The following KIF1A variants were observed in gnomAD, a reference collection of about 807,000 sequenced individuals.
KIF1A encodes kinesin-like protein KIF1A.
Under a neutral mutation model 227.3 loss-of-function variants are expected in KIF1A, and 46 were observed. That is an observed-to-expected ratio of 0.20 (90% confidence interval 0.16 to 0.26). KIF1A has a LOEUF of 0.26. Ranked by LOEUF, KIF1A falls within the 10% of genes least tolerant of loss-of-function variation. KIF1A has a pLI of 1.00. For synonymous variants in KIF1A, 1,022 were observed against 1,012.8 expected (o/e 1.01, Z -0.17); for missense variants, 1,683 against 2,485.9 (o/e 0.68, Z 6.87).
At chr2:240,808,464 G>T (rs1402458318) in intron 1 of KIF1A, among the ~76,000 whole-genome samples, 1 of 151,368 alleles carries the variant, frequency 6.6e-6, no homozygotes, top group African/African-American at 2.4e-5. Flanking sequence ...TTCAAGACCA[G>T]CCTGAGCAAC....
At position 240,743,962 on chromosome 2, in the gene KIF1A, G is replaced by A. The variant is rs1304054358; in HGVS notation, c.3564C>T (p.Pro1188=). ...FGHYQQHPFP[P]LCKDVLSPLR... ...CTAACCTGAGCACGTCCTTGCAGAG[G>A]GGCGGGAACGGGTGCTGCTGGTAGT... The change falls in exon 33 of 49, where the codon CCC becomes CCT. Residue 1188 remains proline (P), a synonymous_variant. Coordinates refer to ENST00000498729, the MANE Select transcript of KIF1A (RefSeq NM_001244008.2). 1.9e-6 allele frequency: 3 copies of A among 1,613,100 alleles called. No homozygotes were observed. The highest frequency in any genetic ancestry group is 2.5e-6 in the Non-Finnish European group (3 of 1,179,452).
chr2:240,777,893 C>T (rs927628404), intron 10 of KIF1A, among the ~76,000 whole-genome samples: 6 of 152,202 alleles, frequency 3.9e-5, no homozygotes, highest in South Asian at 2.1e-4. Context: ...CAGGGTCCCT[C>T]GCACTTTCCC....
At position 240,720,930 on chromosome 2, in the gene KIF1A, C is replaced by A. The variant is rs777997857; in HGVS notation, c.4852G>T (p.Gly1618Cys). 7.0e-6 allele frequency: 11 copies of A among 1,578,488 alleles called. No individual in the cohort carries two copies. In the South Asian group the frequency reaches 1.2e-4, roughly 17 times the overall value. ...TCPSLVEGRYGATDLRTPQPC... is the reference protein window; with the variant it reads ...TCPSLVEGRYCATDLRTPQPC... ...CTCACTCACCTCAGGTCAGTGGCAC[C>A]GTACCGCCCTTCAACCAGAGAGGGG... is the stretch of plus-strand genomic sequence containing the variant. The change falls in exon 45 of 49, where the codon GGT (glycine) becomes TGT (cysteine). Residue 1618 changes from glycine to cysteine, a missense_variant. Physicochemically the swap from Gly to Cys is radical, Grantham distance 159. Around this residue, in one of 12 missense-constraint regions of KIF1A, gnomAD observed 384 missense variants for 410.1 expected, o/e 0.94. Transcript: ENST00000498729.
At chr2:240,753,598 G>A (rs1381707923) in intron 27 of KIF1A, among the ~76,000 whole-genome samples, 2 of 152,156 alleles carry the variant, frequency 1.3e-5, no homozygotes, top group Non-Finnish European at 2.9e-5. Context: ...CATCTGTGGA[G>A]GCTCCCTAGG....
At chr2:240,728,589 A>G (rs548973042) in intron 38 of KIF1A, among the ~76,000 whole-genome samples, 2 of 152,326 alleles carry the variant, frequency 1.3e-5, no homozygotes, top group Non-Finnish European at 2.9e-5. Context: ...CCCCAGGTGG[A>G]GCCCCTGGCC....
intron 41 of KIF1A, 126 bp downstream of exon 41, chr2:240,723,849 A>C (rs1320964333): frequency 5.6e-6 from 5 of 886,480 alleles, no homozygotes; most frequent in Middle Eastern, 3.1e-4. Flanking sequence ...TCCAGAAGCC[A>C]CAAGGTGAGT....
chr2:240,771,329 C>T lies in KIF1A; in HGVS notation c.1208-225G>A, dbSNP rs1030461311. ...GCAGCCCTGCCAGGCCCAGGACAAG[C>T]GCATGCAAGGCCTTCCTGCCACCCC... is the stretch of plus-strand genomic sequence containing the variant. On this transcript the variant is annotated intron_variant, in intron 14 of 48. Transcript: ENST00000498729. The T allele has an allele frequency of 2.4e-5, 15 of 624,718 alleles. No homozygotes were observed. The East Asian group carries it at 2.9e-4, about 12-fold the overall frequency. 38.7% of individuals were successfully genotyped at this position (624,718 alleles called of 1,614,324 possible).
intron 33 of KIF1A, 106 bp downstream of exon 33, chr2:240,743,836 T>G (rs1575559818): frequency 1.4e-6 from 1 of 737,880 alleles, no homozygotes; most frequent in African/African-American, 1.7e-5. Context: ...GGGAGGTGGG[T>G]TTCAGGGGGT....
rs201122759 is a variant in KIF1A, at chr2:240,762,816, C to T, written c.2023-4G>A. The T allele has an allele frequency of 1.9e-6, 3 of 1,583,116 alleles. No homozygotes were observed. Among genetic ancestry groups the T allele is most frequent in the Admixed American group, 3.5e-5 (2 of 57,452 alleles). On this transcript the variant is annotated splice_polypyrimidine_tract_variant and splice_region_variant and intron_variant, in intron 22 of 48. Transcript: ENST00000498729. The stretch of plus-strand genomic sequence containing the variant: ...CCTCCAGCTTGCTCTCATAGTCCTG[C>T]AGAAAGCAAGGCCTGTGACTCCACT...
chr2:240,788,239 C>T lies in KIF1A; in HGVS notation c.184-9G>A, dbSNP rs528203482. 7.0e-5 allele frequency: 113 copies of T among 1,613,238 alleles called. No homozygotes were observed. In the South Asian group the frequency reaches 7.4e-4, roughly 11 times the overall value. The stretch of plus-strand genomic sequence containing the variant: ...TAGTTGATGTCCTCAGGCTGGAGGA[C>T]GAGGAAGGAATGAAGTTGCAGGAGG... On this transcript the variant is annotated splice_polypyrimidine_tract_variant and intron_variant, in intron 3 of 48. Coordinates refer to ENST00000498729, the MANE Select transcript of KIF1A (RefSeq NM_001244008.2). The surrounding 1 kb of genome is among the most constrained non-coding windows in gnomAD (Gnocchi z 6.6).
In KIF1A at chr2:240,789,221, G is replaced by A. The variant is rs73102676; in HGVS notation, c.183+15C>T. ...CTGCTGCCCCCGCCTCCCCCGACCC[G>A]GGGTCCCGGCTTACTGAGGTGTGCG... On this transcript the variant is annotated intron_variant, in intron 3 of 48. Coordinates refer to ENST00000498729, the MANE Select transcript of KIF1A (RefSeq NM_001244008.2). This position sits in a 1 kb window ranked among gnomAD's most constrained non-coding sequence, Gnocchi z 4.8. The A allele has an allele frequency of 3.0e-3, 4,858 of 1,610,608 alleles. 83 individuals are homozygous for A. The African/African-American group carries it at 0.05, about 16-fold the overall frequency.
intron 2 of KIF1A, among the ~76,000 whole-genome samples, chr2:240,794,429 C>T (rs948934756): frequency 2.0e-5 from 3 of 152,224 alleles, no homozygotes; most frequent in African/African-American, 7.2e-5. Flanking sequence ...TGCCCATCTG[C>T]CCTTTACCCA....
chr2:240,758,287 G>A lies in KIF1A; in HGVS notation c.2582+73C>T. On this transcript the variant is annotated intron_variant, in intron 26 of 48. Transcript: ENST00000498729. This position sits in a 1 kb window ranked among gnomAD's most constrained non-coding sequence, Gnocchi z 5.2. ...GGGCCGCTCCTTGTATCAGGCCAGG[G>A]CCCACTCCTACCCCCACTGCCATCT... is the stretch of plus-strand genomic sequence containing the variant. 1 of 1,519,924 alleles carries A rather than the reference G, an allele frequency of 6.6e-7. No homozygotes were observed. Among genetic ancestry groups the A allele is most frequent in the Non-Finnish European group, 8.9e-7 (1 of 1,123,272 alleles). 94.2% of individuals were successfully genotyped at this position (1,519,924 alleles called of 1,614,324 possible). A position where few individuals can be genotyped will look rare whatever the true frequency, so the allele number is the denominator to read the frequency against.
intron 44 of KIF1A, 21 bp from the exon 45 acceptor site, chr2:240,721,059 T>G (rs759082914): frequency 4.3e-6 from 7 of 1,610,946 alleles, no homozygotes; most frequent in Non-Finnish European, 5.9e-6. Context: ...GAGGCCTTTT[T>G]CAGGGGACAC....
intron 20 of KIF1A, among the ~76,000 whole-genome samples, chr2:240,765,236 T>A (rs986365883): frequency 3.9e-5 from 6 of 152,202 alleles, no homozygotes; most frequent in African/African-American, 1.4e-4. Context: ...TGTTTGAACA[T>A]CACAGACACT....
intron 14 of KIF1A, 66 bp from the exon 15 acceptor site, chr2:240,771,170 T>C: frequency 6.2e-7 from 1 of 1,605,430 alleles, no homozygotes; most frequent in Non-Finnish European, 8.5e-7. Context: ...GTTCTCAAGG[T>C]CGGACACGTC....
rs548533075 is a variant in KIF1A at position 240,752,003 on chromosome 2, C to T, written c.2859-1456G>A. Among the ~76,000 whole-genome samples the T allele has an allele frequency of 5.9e-5, 9 of 152,250 alleles. No homozygotes were observed. The East Asian group carries it at 1.2e-3, about 20-fold the overall frequency. The stretch of plus-strand genomic sequence containing the variant: ...CTGAGTGGCCCTGCTAAGCTGAGAC[C>T]TCACCAACGCCCTCACTGCAAAATG... On this transcript the variant is annotated intron_variant, in intron 27 of 48. Transcript: ENST00000498729. This position sits in a 1 kb window ranked among gnomAD's most constrained non-coding sequence, Gnocchi z 6.4.
At chr2:240,765,428 C>G (rs919556564) in intron 20 of KIF1A, among the ~76,000 whole-genome samples, 1 of 152,246 alleles carries the variant, frequency 6.6e-6, no homozygotes, top group Non-Finnish European at 1.5e-5. Flanking sequence ...TCTTCCTAGG[C>G]AGGCACACCC....
At chr2:240,724,384 C>T (rs925249358) in intron 40 of KIF1A, 5 of 370,744 alleles carry the variant, frequency 1.3e-5, no homozygotes, top group Non-Finnish European at 2.6e-5. Flanking sequence ...GAGAGCCCCT[C>T]AGGCCCCATA....
Sources: allele counts gnomAD v4.1 joint callset (sites outside exome capture counted in the v4.1 genomes callset), GRCh38; gene constraint gnomAD v4.1.1; regional missense constraint gnomAD v4.1.1; non-coding constraint Gnocchi (gnomAD v3.1); transcripts MANE v1.5; gene names NCBI Gene and HGNC (gene_info 2026-07-23, HGNC 2026-07-21).